The following PLXNA4 variants were observed in gnomAD, a reference collection of about 807,000 sequenced individuals.
PLXNA4 encodes the protein plexin-A4.
Under a neutral mutation model 191.8 loss-of-function variants are expected in PLXNA4, and 44 were observed. The ratio of observed to expected loss-of-function variants is 0.23; its 90% CI spans 0.18 to 0.29. PLXNA4 has a LOEUF of 0.29. Ranked by LOEUF, PLXNA4 falls within the 10% of genes least tolerant of loss-of-function variation. The probability of loss-of-function intolerance (pLI) is 1.00; values close to 1 mark genes in which losing one functional copy is unlikely to be tolerated. For synonymous variants in PLXNA4, 1,082 were observed against 1,009.5 expected (o/e 1.07, Z -1.36); for missense variants, 1,800 against 2,488.8 (o/e 0.72, Z 5.89).
chr7:132,139,933 A>T (rs1247858482), intron 30 of PLXNA4, among the ~76,000 whole-genome samples: 2 of 152,220 alleles, frequency 1.3e-5, no homozygotes, highest in African/African-American at 4.8e-5. Context: ...TGGCGTATGG[A>T]GCTGATGTGG....
At chr7:132,342,685 G>A (rs1005972211) in intron 3 of PLXNA4, among the ~76,000 whole-genome samples, 1 of 152,018 alleles carries the variant, frequency 6.6e-6, no homozygotes, top group Non-Finnish European at 1.5e-5. Flanking sequence ...GGTGGCTCAC[G>A]CCTATAATCC....
chr7:132,399,837 G>A (rs10249783), intron 3 of PLXNA4, among the ~76,000 whole-genome samples: 30,615 of 152,046 alleles, frequency 0.2, 4,695 homozygotes, highest in African/African-American at 0.41. Flanking sequence ...TTTAAGGTAA[G>A]ATGTACACGC....
Position 132,124,964 on chromosome 7 carries a change from A to C in PLXNA4, c.*5515T>G, listed in dbSNP as rs1371632082. On this transcript the variant is annotated 3_prime_UTR_variant, in exon 32 of 32. Transcript: ENST00000321063. Reference sequence around the variant, plus strand: ...GTATGTATTTCTCTTACAACCAAAAAATTCTATATACTTTTAAAACTTGGA... The same window carrying C: ...GTATGTATTTCTCTTACAACCAAAACATTCTATATACTTTTAAAACTTGGA... 1 of 151,826 alleles carries C rather than the reference A, an allele frequency of 6.6e-6. No individual in the cohort carries two copies. The highest frequency in any genetic ancestry group is 1.9e-4 in the East Asian group (1 of 5,162). 9.4% of individuals were successfully genotyped at this position (151,826 alleles called of 1,614,324 possible). A position where few individuals can be genotyped will look rare whatever the true frequency, so the allele number is the denominator to read the frequency against.
chr7:132,615,211 G>A (rs2116859264), intron 2 of PLXNA4, among the ~76,000 whole-genome samples: 1 of 152,234 alleles, frequency 6.6e-6, no homozygotes, highest in South Asian at 2.1e-4. Context: ...CCGGTGGAGC[G>A]GGAGGGGGGT....
intron 3 of PLXNA4, among the ~76,000 whole-genome samples, chr7:132,299,127 C>T (rs1270745086): frequency 6.6e-6 from 1 of 152,208 alleles, no homozygotes; most frequent in African/African-American, 2.4e-5. Context: ...GCAGTCAGTG[C>T]TAAAAACACC....
At chr7:132,323,935 A>T (rs1354003030) in intron 3 of PLXNA4, among the ~76,000 whole-genome samples, 1 of 152,118 alleles carries the variant, frequency 6.6e-6, no homozygotes, top group Non-Finnish European at 1.5e-5. Flanking sequence ...ATGAGGTGCA[A>T]ACTAATTTGG....
intron 1 of PLXNA4, among the ~76,000 whole-genome samples, chr7:132,530,419 T>A (rs1799577894): frequency 6.6e-6 from 1 of 152,184 alleles, no homozygotes; most frequent in South Asian, 2.1e-4. Flanking sequence ...AACAAACAGA[T>A]AAACCAGTTT....
At chr7:132,137,168 G>GTATT (rs1277021099) in intron 30 of PLXNA4, among the ~76,000 whole-genome samples, 1 of 152,160 alleles carries the variant, frequency 6.6e-6, no homozygotes, top group African/African-American at 2.4e-5. Flanking sequence ...ACCATTTTAT[G>GTATT]TATTTGACTG....
chr7:132,167,029 T>C (rs570341037), intron 22 of PLXNA4, among the ~76,000 whole-genome samples: 4 of 152,024 alleles, frequency 2.6e-5, no homozygotes, highest in Non-Finnish European at 2.9e-5. Flanking sequence ...AGACCAAAGA[T>C]GGAAGTCTGG....
intron 3 of PLXNA4, among the ~76,000 whole-genome samples, chr7:132,461,015 G>C (rs1429074633): frequency 6.6e-6 from 1 of 151,922 alleles, no homozygotes; most frequent in African/African-American, 2.4e-5. Context: ...TTTACCAAAA[G>C]GAAAAAAGAA....
chr7:132,205,283 G>A (rs1389663634), intron 10 of PLXNA4, among the ~76,000 whole-genome samples: 3 of 151,458 alleles, frequency 2.0e-5, no homozygotes, highest in Admixed American at 6.6e-5. Context: ...AGAATCACCC[G>A]GGGGGCCTAC....
intron 1 of PLXNA4, among the ~76,000 whole-genome samples, chr7:132,562,140 T>C (rs1172202149): frequency 1.2e-4 from 9 of 73,620 alleles, no homozygotes; most frequent in East Asian, 4.8e-4. Context: ...CTTCTCTCCT[T>C]CTCCTCCTCC....
intron 2 of PLXNA4, among the ~76,000 whole-genome samples, chr7:132,636,964 C>T (rs959541362): frequency 2.0e-4 from 30 of 152,136 alleles, no homozygotes; most frequent in Admixed American, 7.9e-4. Context: ...CCAATATGCA[C>T]GTCCTCCCTC....
intron 2 of PLXNA4, among the ~76,000 whole-genome samples, chr7:132,643,955 A>T (rs953840480): frequency 6.6e-6 from 1 of 152,194 alleles, no homozygotes; most frequent in African/African-American, 2.4e-5. Context: ...TCTCTTAAAA[A>T]AAAAGAATGG....
At chr7:132,313,820 G>A (rs1267607695) in intron 3 of PLXNA4, among the ~76,000 whole-genome samples, 3 of 152,050 alleles carry the variant, frequency 2.0e-5, no homozygotes, top group African/African-American at 7.2e-5. Flanking sequence ...GAATTTAGAC[G>A]ACCACCATGG....
intron 22 of PLXNA4, among the ~76,000 whole-genome samples, chr7:132,166,157 A>G (rs1485040394): frequency 6.6e-6 from 1 of 151,890 alleles, no homozygotes; most frequent in Admixed American, 6.6e-5. Flanking sequence ...AGATCTTGCC[A>G]CTGCACTCCA....
intron 4 of PLXNA4, among the ~76,000 whole-genome samples, chr7:132,270,844 A>G (rs1214020311): frequency 6.6e-6 from 1 of 152,234 alleles, no homozygotes; most frequent in Non-Finnish European, 1.5e-5. Flanking sequence ...TATGACCAAT[A>G]TAAAGCTAAA....
At position 132,210,939 on chromosome 7, in the gene PLXNA4, T is replaced by C. The variant is rs892180701; in HGVS notation, c.2298+4A>G. ...TTGGCAGTGGGCAGGGTTGGGCGAC[T>C]CACAGAGGTGTTCTGGCACTGTACG... On this transcript the variant is annotated splice_donor_region_variant and intron_variant, in intron 10 of 31. Coordinates refer to ENST00000321063, the MANE Select transcript of PLXNA4 (RefSeq NM_020911.2). The C allele has an allele frequency of 1.2e-6, 2 of 1,609,490 alleles. No individual in the cohort carries two copies. Among genetic ancestry groups the C allele is most frequent in the Non-Finnish European group, 1.7e-6 (2 of 1,178,126 alleles).
At chr7:132,314,999 G>T (rs1190097202) in intron 3 of PLXNA4, among the ~76,000 whole-genome samples, 1 of 152,208 alleles carries the variant, frequency 6.6e-6, no homozygotes, top group Non-Finnish European at 1.5e-5. Context: ...AAATAAAAGT[G>T]TCAGGTTATT....
Sources: gnomAD v4.1 joint callset for allele counts (sites outside exome capture counted in the v4.1 genomes callset) on GRCh38, gnomAD v4.1.1 for gene constraint, MANE v1.5 for transcripts, NCBI Gene and HGNC (gene_info 2026-07-23, HGNC 2026-07-21) for gene names.